The following AGAP1 variants were observed in gnomAD, a reference collection of about 807,000 sequenced individuals.
AGAP1 encodes the protein ArfGAP with GTPase domain, ankyrin repeat and PH domain 1, also known as arf-GAP with GTPase, ANK repeat and PH domain-containing protein 1.
Under a neutral mutation model 105.3 loss-of-function variants are expected in AGAP1, and 29 were observed. The observed-to-expected ratio is 0.28, with a 90% CI of 0.21 to 0.38. AGAP1 has a LOEUF of 0.38. Ranked by LOEUF, AGAP1 falls within the 10% of genes least tolerant of loss-of-function variation. The pLI is 1.00. For missense variants in AGAP1, 998 were observed against 1,165.1 expected (o/e 0.86, Z 2.09); for synonymous variants, 509 against 485.9 (o/e 1.05, Z -0.63).
rs576876110 is a variant in AGAP1 at position 235,977,450 on chromosome 2, G to A, written c.1645+8827G>A. Among the ~76,000 whole-genome samples the A allele has an allele frequency of 3.3e-5, 5 of 152,054 alleles. No individual in the cohort carries two copies. Among genetic ancestry groups the A allele is most frequent in the Non-Finnish European group, 5.9e-5 (4 of 68,030 alleles). ...TCTACTCTTTCTACTTTCCTCAGCTGCATGTATTTTACACACAAAGTACAG... is the reference window on the plus strand; with the variant it reads ...TCTACTCTTTCTACTTTCCTCAGCTACATGTATTTTACACACAAAGTACAG... On this transcript the variant is annotated intron_variant, in intron 13 of 17. Transcript: ENST00000304032. The surrounding 1 kb of genome is among the most constrained non-coding windows in gnomAD (Gnocchi z 5.2).
chr2:235,595,541 A>G (rs893911678), intron 1 of AGAP1, among the ~76,000 whole-genome samples: 2 of 152,212 alleles, frequency 1.3e-5, no homozygotes, highest in East Asian at 1.9e-4. Flanking sequence ...AAGCAGTACT[A>G]GGTGGATTTG....
At chr2:235,791,407 T>A (rs1239264857) in intron 6 of AGAP1, among the ~76,000 whole-genome samples, 1 of 152,194 alleles carries the variant, frequency 6.6e-6, no homozygotes, top group Non-Finnish European at 1.5e-5. Context: ...GAAGATTCTT[T>A]CTTTTTCTTT....
At position 235,889,531 on chromosome 2, in the gene AGAP1, CAA is replaced by C. The variant is rs994966108; in HGVS notation, c.1155+6085_1155+6086del. On this transcript the variant is annotated intron_variant, in intron 10 of 17. Transcript: ENST00000304032. The surrounding 1 kb of genome is among the most constrained non-coding windows in gnomAD (Gnocchi z 4.6). ...TTCTCTTTCCTTTCTCGTCATCCCCCAAAAGTGTCTTTGCCTTTTTTTTTTTT... is the reference window on the plus strand; with the variant it reads ...TTCTCTTTCCTTTCTCGTCATCCCCCAAGTGTCTTTGCCTTTTTTTTTTTT... Among the ~76,000 whole-genome samples the C allele has an allele frequency of 2.0e-5, 3 of 148,778 alleles. No homozygotes were observed. Among genetic ancestry groups the C allele is most frequent in the African/African-American group, 7.5e-5 (3 of 40,048 alleles).
intron 1 of AGAP1, among the ~76,000 whole-genome samples, chr2:235,634,966 C>T (rs1301970214): frequency 1.3e-5 from 2 of 151,820 alleles, no homozygotes. Context: ...CACCCTCAGC[C>T]TCCCCCCCGC....
At chr2:235,909,056 ATCATTTCCTTTAAACT>A in intron 11 of AGAP1, 150 bp downstream of exon 11, 1 of 799,592 alleles carries the variant, frequency 1.3e-6, no homozygotes, top group Non-Finnish European at 1.9e-6. Context: ...TCTGTGGCTG[ATCATTTCCTTTAAACT>A]TTCAGTTCCG....
intron 9 of AGAP1, among the ~76,000 whole-genome samples, chr2:235,860,955 T>C (rs1179110403): frequency 2.0e-5 from 3 of 152,214 alleles, no homozygotes; most frequent in Non-Finnish European, 4.4e-5. Context: ...CTCCAAGGGC[T>C]GTTCTCCCAC....
intron 10 of AGAP1, among the ~76,000 whole-genome samples, chr2:235,902,439 A>G (rs1423172846): frequency 2.6e-5 from 4 of 152,218 alleles, no homozygotes; most frequent in African/African-American, 9.7e-5. Flanking sequence ...GCATATCCAC[A>G]TGCATCCATG....
chr2:235,602,507 C>T (rs1307308254), intron 1 of AGAP1, among the ~76,000 whole-genome samples: 1 of 152,158 alleles, frequency 6.6e-6, no homozygotes, highest in African/African-American at 2.4e-5. Flanking sequence ...GTTCCTCTAG[C>T]ACGCCAGCCC....
chr2:235,776,380 T>C (rs1955865838), intron 6 of AGAP1, among the ~76,000 whole-genome samples: 1 of 152,178 alleles, frequency 6.6e-6, no homozygotes, highest in African/African-American at 2.4e-5. Flanking sequence ...CCTGCTTCTG[T>C]ATCCAGGCAG....
chr2:235,699,224 G>A (rs13392386), intron 1 of AGAP1, among the ~76,000 whole-genome samples: 11,475 of 152,218 alleles, frequency 0.075, 1,462 homozygotes, highest in African/African-American at 0.26. Flanking sequence ...TGGGAACAGC[G>A]GATGAGCTGG....
intron 12 of AGAP1, among the ~76,000 whole-genome samples, chr2:235,956,728 A>C (rs1489984498): frequency 2.0e-5 from 3 of 152,200 alleles, no homozygotes; most frequent in African/African-American, 4.8e-5. Flanking sequence ...GCAGCTCAAG[A>C]CTGGGACCTC....
intron 12 of AGAP1, among the ~76,000 whole-genome samples, chr2:235,940,221 C>T (rs1461295183): frequency 6.6e-6 from 1 of 152,110 alleles, no homozygotes. Flanking sequence ...TCCTGTACCT[C>T]CACCTCCTCT....
chr2:235,691,379 G>A lies in AGAP1; in HGVS notation c.164-17800G>A, dbSNP rs1375443210. Among the ~76,000 whole-genome samples, 1 of 152,218 alleles carries A rather than the reference G, an allele frequency of 6.6e-6. No homozygotes were observed. The highest frequency in any genetic ancestry group is 2.1e-4 in the South Asian group (1 of 4,834). On this transcript the variant is annotated intron_variant, in intron 1 of 17. Transcript: ENST00000304032. The surrounding 1 kb of genome is among the most constrained non-coding windows in gnomAD (Gnocchi z 4.4). ...CAATGGTTGCCAGTGCCTTACTTTTGGAGACAGGAATTGTTACACGTCTCC... is the reference window on the plus strand; with the variant it reads ...CAATGGTTGCCAGTGCCTTACTTTTAGAGACAGGAATTGTTACACGTCTCC...
At chr2:235,876,904 A>G (rs577647086) in intron 9 of AGAP1, among the ~76,000 whole-genome samples, 58 of 149,038 alleles carry the variant, frequency 3.9e-4, no homozygotes, top group Non-Finnish European at 6.8e-4. Context: ...CTGGAGTGCA[A>G]TGGCGCAATC....
intron 11 of AGAP1, among the ~76,000 whole-genome samples, chr2:235,926,581 A>G (rs2125130184): frequency 6.6e-6 from 1 of 152,390 alleles, no homozygotes; most frequent in South Asian, 2.1e-4. Context: ...CTGCATTATC[A>G]CACAAAATAC....
rs2056122887 is a variant in AGAP1, at chr2:236,001,575, G to A, written c.1645+32952G>A. On this transcript the variant is annotated intron_variant, in intron 13 of 17. Transcript: ENST00000304032. The surrounding 1 kb of genome is among the most constrained non-coding windows in gnomAD (Gnocchi z 4.7). Reference sequence around the variant, plus strand: ...AGACTGTGGCTTGCAAGCAGAGCTGGCAGGACTTGCTGAAAGAGTTAATAT... The same window carrying A: ...AGACTGTGGCTTGCAAGCAGAGCTGACAGGACTTGCTGAAAGAGTTAATAT... Among the ~76,000 whole-genome samples the A allele has an allele frequency of 6.6e-6, 1 of 152,200 alleles. No individual in the cohort carries two copies. The highest frequency in any genetic ancestry group is 2.4e-5 in the African/African-American group (1 of 41,444).
chr2:235,653,704 A>G (rs867946381), intron 1 of AGAP1, among the ~76,000 whole-genome samples: 2 of 152,200 alleles, frequency 1.3e-5, no homozygotes, highest in Non-Finnish European at 2.9e-5. Context: ...AGCATAAACA[A>G]AATTGTTGAA....
rs148590963 is a variant in AGAP1 at position 236,030,634 on chromosome 2, T to C, written c.1646-5927T>C. Among the ~76,000 whole-genome samples the C allele has an allele frequency of 5.4e-3, 820 of 152,300 alleles. 4 individuals carry two copies. Among genetic ancestry groups the C allele is most frequent in the African/African-American group, 0.019 (772 of 41,562 alleles). ...GGCTCACAATTCTAGTTTCACCTCG[T>C]GTATTTGATTTGGGGAAGGAGAAGG... is the stretch of plus-strand genomic sequence containing the variant. On this transcript the variant is annotated intron_variant, in intron 13 of 17. Transcript: ENST00000304032.
rs894369543 is a variant in AGAP1 at position 235,931,605 on chromosome 2, C to T, written c.1483+682C>T. 2.0e-5 allele frequency among the ~76,000 whole-genome samples: 3 copies of T among 151,874 alleles called. No individual in the cohort carries two copies. Among genetic ancestry groups the T allele is most frequent in the South Asian group, 4.2e-4 (2 of 4,810 alleles). The stretch of plus-strand genomic sequence containing the variant: ...GGCGTTTTGTCTCTGGCCTGTTCAC[C>T]GGTATTTAAAGGAATTCCCACTGTT... On this transcript the variant is annotated intron_variant, in intron 12 of 17. Transcript: ENST00000304032. The surrounding 1 kb of genome is among the most constrained non-coding windows in gnomAD (Gnocchi z 5.6).
Sources: gnomAD v4.1 joint callset for allele counts (sites outside exome capture counted in the v4.1 genomes callset) on GRCh38, gnomAD v4.1.1 for gene constraint, Gnocchi (gnomAD v3.1) non-coding constraint, MANE v1.5 for transcripts, NCBI Gene and HGNC (gene_info 2026-07-23, HGNC 2026-07-21) for gene names.